Variants in AKAP9 observed in about 807,000 individuals in gnomAD.
The protein encoded by AKAP9 is A-kinase anchor protein 9.
AKAP9 carries 311 observed loss-of-function variants against 488.5 expected under a neutral mutation model. That is an observed-to-expected ratio of 0.64 (90% confidence interval 0.58 to 0.70). The LOEUF is 0.70. Ranked by LOEUF, AKAP9 falls within the 30% of genes least tolerant of loss-of-function variation. The pLI, the probability that AKAP9 is intolerant of heterozygous loss-of-function variation, is 0.00. For synonymous variants in AKAP9, 1,462 were observed against 1,483.5 expected (o/e 0.99, Z 0.33); for missense variants, 4,215 against 4,374.5 (o/e 0.96, Z 1.03).
At chr7:91,993,927 G>C (rs2130640877) in intron 5 of AKAP9, among the ~76,000 whole-genome samples, 1 of 152,312 alleles carries the variant, frequency 6.6e-6, no homozygotes, top group East Asian at 1.9e-4. Context: ...CTGGTAGTTT[G>C]AGACTGGCAG....
intron 9 of AKAP9, 37 bp downstream of exon 9, chr7:92,012,679 A>ATACTTATTTGG: frequency 1.3e-6 from 2 of 1,517,900 alleles, no homozygotes; most frequent in Non-Finnish European, 1.8e-6. Flanking sequence ...CCATGATCCA[A>ATACTTATTTGG]ATAAGTATTG....
chr7:92,052,668 C>T, intron 21 of AKAP9, 58 bp from the exon 22 acceptor site: 3 of 1,246,446 alleles, frequency 2.4e-6, no homozygotes, highest in Non-Finnish European at 3.4e-6. Context: ...TGTTTTATAA[C>T]TTTAAAAAAT....
intron 38 of AKAP9, chr7:92,092,398 G>A (rs1815785687): frequency 6.6e-6 from 1 of 152,130 alleles, no homozygotes. Flanking sequence ...CATCATTGTA[G>A]TAACTTGGGT....
At chr7:92,034,508 T>A (rs1421060993) in intron 16 of AKAP9, among the ~76,000 whole-genome samples, 217 of 137,550 alleles carry the variant, frequency 1.6e-3, no homozygotes, top group East Asian at 2.2e-3. Flanking sequence ...ATTTTTTTTT[T>A]TTTTTTTTTT....
At chr7:91,995,398 C>T (rs1419358756) in intron 6 of AKAP9, among the ~76,000 whole-genome samples, 1 of 152,084 alleles carries the variant, frequency 6.6e-6, no homozygotes, top group Non-Finnish European at 1.5e-5. Flanking sequence ...TCTCAGGAGA[C>T]CTAGGTTCTC....
At chr7:91,957,315 T>C (rs1481335411) in intron 1 of AKAP9, among the ~76,000 whole-genome samples, 2 of 152,190 alleles carry the variant, frequency 1.3e-5, no homozygotes, top group Non-Finnish European at 2.9e-5. Flanking sequence ...ACAACTATTT[T>C]CTGTACATTA....
intron 46 of AKAP9, among the ~76,000 whole-genome samples, chr7:92,103,731 A>G (rs1035819880): frequency 6.6e-6 from 1 of 152,054 alleles, no homozygotes; most frequent in Non-Finnish European, 1.5e-5. Context: ...CCCATGAACA[A>G]GCTCACACAT....
rs1350454433 is a variant in AKAP9 at position 92,055,796 on chromosome 7, A to G, written c.5601+2838A>G. Reference sequence around the variant, plus strand: ...CACCTTTCTGAACATCAATTAATATATCATCAGTTAATATTACTGTTGTTA... The same window carrying G: ...CACCTTTCTGAACATCAATTAATATGTCATCAGTTAATATTACTGTTGTTA... On this transcript the variant is annotated intron_variant, in intron 22 of 49. Transcript: ENST00000356239. Among the ~76,000 whole-genome samples the G allele has an allele frequency of 3.3e-5, 5 of 152,178 alleles. No individual in the cohort carries two copies. The South Asian group carries it at 6.2e-4, about 19-fold the overall frequency.
chr7:91,960,198 A>G (rs1793560599), intron 1 of AKAP9, among the ~76,000 whole-genome samples: 1 of 152,334 alleles, frequency 6.6e-6, no homozygotes, highest in East Asian at 1.9e-4. Flanking sequence ...TACTGGAGAA[A>G]CTAGGTAACA....
chr7:92,011,755 TACTG>T (rs1800777246), intron 8 of AKAP9, among the ~76,000 whole-genome samples: 1 of 152,182 alleles, frequency 6.6e-6, no homozygotes, highest in African/African-American at 2.4e-5. Flanking sequence ...TATTTAATAA[TACTG>T]AGTGAGCCTC....
intron 22 of AKAP9, among the ~76,000 whole-genome samples, chr7:92,054,179 G>A (rs1019130257): frequency 6.6e-6 from 1 of 152,084 alleles, no homozygotes; most frequent in Non-Finnish European, 1.5e-5. Context: ...GATTTCTTCA[G>A]AATAGTCTCA....
chr7:92,095,589 GAC>G lies in AKAP9; in HGVS notation c.9729+421_9729+422del, dbSNP rs1246014126. ...AGTGAACATTGGCCCCTTTCAGAGA[GAC>G]ACACCCCTGCTTTGCAAGGCTCTCA... On this transcript the variant is annotated intron_variant, in intron 40 of 49. Coordinates refer to ENST00000356239, the MANE Select transcript of AKAP9 (RefSeq NM_005751.5). Among the ~76,000 whole-genome samples the G allele has an allele frequency of 3.3e-5, 5 of 152,178 alleles. 1 individual carries two copies. Among genetic ancestry groups the G allele is most frequent in the Non-Finnish European group, 2.9e-5 (2 of 68,036 alleles).
chr7:92,012,462 ATT>A lies in AKAP9; in HGVS notation c.3354_3355del (p.Ile1118MetfsTer15). 1.9e-6 allele frequency: 3 copies of A among 1,614,082 alleles called. No individual in the cohort carries two copies. Among genetic ancestry groups the A allele is most frequent in the Non-Finnish European group, 2.5e-6 (3 of 1,179,972 alleles). ...AAGGCTACAGATGGAAGCCCAACGC[ATT>A]TGCCTCTCTCTGGTTTATTCAACTC... ...DLRLQMEAQRICLSLVYSTHV... is the reference protein window; with the variant it reads ...DLRLQMEAQRXCLSLVYSTHV... On this transcript the variant is annotated frameshift_variant, in exon 9 of 50. Coordinates refer to ENST00000356239, the MANE Select transcript of AKAP9 (RefSeq NM_005751.5). LOFTEE classifies it high-confidence loss of function.
intron 22 of AKAP9, among the ~76,000 whole-genome samples, chr7:92,055,627 G>A (rs114222287): frequency 0.014 from 2,191 of 152,052 alleles, 44 homozygotes; most frequent in African/African-American, 0.05. Context: ...GAAACCTGGC[G>A]ATAATAAGCT....
chr7:92,060,884 T>G (rs1015500837), intron 22 of AKAP9, among the ~76,000 whole-genome samples: 1 of 152,184 alleles, frequency 6.6e-6, no homozygotes, highest in African/African-American at 2.4e-5. Flanking sequence ...AGAAAGTTTA[T>G]CATAGACTGT....
At chr7:92,023,473 A>G (rs75106534) in intron 14 of AKAP9, among the ~76,000 whole-genome samples, 2 of 152,250 alleles carry the variant, frequency 1.3e-5, no homozygotes, top group East Asian at 3.9e-4. Context: ...TTCTGCAGCT[A>G]TATCCATCTG....
chr7:92,001,655 G>T lies in AKAP9; in HGVS notation c.1738G>T (p.Glu580Ter). Residue 580 changes from glutamate to a stop codon, truncating the protein, a stop_gained, in exon 8 of 50, where the codon GAA (glutamate) becomes TAA (stop). Coordinates refer to ENST00000356239, the MANE Select transcript of AKAP9 (RefSeq NM_005751.5). LOFTEE classifies it high-confidence loss of function. ...DLKAEIVSAS[E>*]SRKELELKHE... ...GAAAGCTGAGATTGTTTCTGCATCT[G>T]AATCCAGAAAGGAACTAGAATTAAA... 6.2e-7 allele frequency: 1 copy of T among 1,612,816 alleles called. No homozygotes were observed. Among genetic ancestry groups the T allele is most frequent in the Non-Finnish European group, 8.5e-7 (1 of 1,179,358 alleles).
At chr7:91,968,641 G>A (rs746565175) in intron 1 of AKAP9, among the ~76,000 whole-genome samples, 3 of 152,008 alleles carry the variant, frequency 2.0e-5, no homozygotes, top group Non-Finnish European at 2.9e-5. Flanking sequence ...CTAATTTTGG[G>A]TTTGGTTTGT....
chr7:92,014,323 T>A lies in AKAP9; in HGVS notation c.3607T>A (p.Leu1203Ile), dbSNP rs1210937952. ...KAVSEECSYFLQTLCSVLGEY... is the reference protein window; with the variant it reads ...KAVSEECSYFIQTLCSVLGEY... ...AGTGTCTGAAGAATGTTCTTATTTT[T>A]TACAGGTAAAATGTTTAAAAGTACT... Residue 1203 changes from leucine to isoleucine, a missense_variant, in exon 10 of 50, where the codon TTA becomes ATA. Coordinates refer to ENST00000356239, the MANE Select transcript of AKAP9 (RefSeq NM_005751.5). 6.2e-7 allele frequency: 1 copy of A among 1,608,738 alleles called. No homozygotes were observed. Among genetic ancestry groups the A allele is most frequent in the Non-Finnish European group, 8.5e-7 (1 of 1,175,718 alleles).
Sources: allele counts gnomAD v4.1 joint callset (sites outside exome capture counted in the v4.1 genomes callset), GRCh38; gene constraint gnomAD v4.1.1; transcripts MANE v1.5; gene names NCBI Gene and HGNC (gene_info 2026-07-23, HGNC 2026-07-21).